The following SYT10 variants were observed in gnomAD, a reference collection of about 807,000 sequenced individuals.
SYT10 encodes the protein synaptotagmin-10.
SYT10 carries 31 observed loss-of-function variants against 51.1 expected under a neutral mutation model. That is an observed-to-expected ratio of 0.61 (90% CI 0.46 to 0.82). The LOEUF is 0.82. SYT10 is among the 40% of genes least tolerant of loss of function. The pLI is 0.00. For missense variants in SYT10, 603 were observed against 634.0 expected (o/e 0.95, Z 0.53); for synonymous variants, 233 against 225.9 (o/e 1.03, Z -0.28).
chr12:33,390,366 A>T (rs1263752656), intron 3 of SYT10, among the ~76,000 whole-genome samples: 2 of 152,188 alleles, frequency 1.3e-5, no homozygotes, highest in Admixed American at 1.3e-4. Context: ...TAAATGTGCA[A>T]TGTCATTTAT....
intron 3 of SYT10, among the ~76,000 whole-genome samples, chr12:33,388,970 T>C (rs1866180824): frequency 6.6e-6 from 1 of 152,188 alleles, no homozygotes; most frequent in Admixed American, 6.5e-5. Context: ...GAAGGCAGAT[T>C]AAAGCCTCCA....
At chr12:33,413,201 A>G (rs7961055) in intron 2 of SYT10, among the ~76,000 whole-genome samples, 152,263 of 152,298 alleles carry the variant, frequency 1, 76,115 homozygotes, top group Middle Eastern at 1. Flanking sequence ...CCAAATCTAC[A>G]TCTGATTGGT....
At chr12:33,431,618 GTTATC>G (rs1022536066) in intron 1 of SYT10, among the ~76,000 whole-genome samples, 46 of 152,090 alleles carry the variant, frequency 3.0e-4, no homozygotes, top group African/African-American at 1.1e-3. Context: ...AAATCAGAAT[GTTATC>G]TTAGTATTGA....
At chr12:33,423,321 T>C (rs549889676) in intron 2 of SYT10, among the ~76,000 whole-genome samples, 22 of 151,934 alleles carry the variant, frequency 1.4e-4, no homozygotes, top group African/African-American at 2.2e-4. Context: ...TGTGTGTGTG[T>C]GCATCTGTGT....
At chr12:33,427,220 A>T (rs61245628) in intron 1 of SYT10, among the ~76,000 whole-genome samples, 1 of 152,048 alleles carries the variant, frequency 6.6e-6, no homozygotes, top group South Asian at 2.1e-4. Flanking sequence ...AGTCTTCATG[A>T]GTAGGATTAG....
At chr12:33,380,608 G>T (rs562339195) in intron 5 of SYT10, among the ~76,000 whole-genome samples, 46 of 152,288 alleles carry the variant, frequency 3.0e-4, no homozygotes, top group African/African-American at 1.1e-3. Context: ...AGCTTATTAT[G>T]TGCCAGTGTT....
At chr12:33,409,268 G>A (rs1866385470) in intron 2 of SYT10, among the ~76,000 whole-genome samples, 1 of 152,034 alleles carries the variant, frequency 6.6e-6, no homozygotes, top group Non-Finnish European at 1.5e-5. Flanking sequence ...CCAGGCTGGA[G>A]TGCAGTGACA....
intron 2 of SYT10, among the ~76,000 whole-genome samples, chr12:33,420,448 A>C (rs1012627387): frequency 4.6e-5 from 7 of 151,936 alleles, no homozygotes; most frequent in African/African-American, 1.7e-4. Flanking sequence ...GGAATTCAAG[A>C]CCAGCTTAGG....
At chr12:33,422,021 T>A (rs1233592707) in intron 2 of SYT10, among the ~76,000 whole-genome samples, 3 of 152,024 alleles carry the variant, frequency 2.0e-5, no homozygotes, top group Non-Finnish European at 4.4e-5. Flanking sequence ...ATTTATTGAT[T>A]CTTTCAATTC....
chr12:33,406,767 T>G, intron 3 of SYT10, 22 bp downstream of exon 3: 1 of 1,556,414 alleles, frequency 6.4e-7, no homozygotes, highest in East Asian at 2.2e-5. Flanking sequence ...AAAAACAATA[T>G]ATTGGTGGAA....
chr12:33,425,033 T>C (rs764546231), intron 2 of SYT10, among the ~76,000 whole-genome samples: 2 of 152,116 alleles, frequency 1.3e-5, no homozygotes, highest in African/African-American at 4.8e-5. Flanking sequence ...AAGTAAGAAG[T>C]GGATTTATTT....
chr12:33,405,150 C>T (rs1866342067), intron 3 of SYT10: 3 of 152,024 alleles, frequency 2.0e-5, no homozygotes, highest in Non-Finnish European at 2.9e-5. Context: ...TTTGTTGCAA[C>T]CCTAGTACTT....
intron 3 of SYT10, among the ~76,000 whole-genome samples, chr12:33,401,263 G>GA (rs991148346): frequency 2.7e-4 from 41 of 152,054 alleles, no homozygotes; most frequent in Non-Finnish European, 2.8e-4. Flanking sequence ...AACTGAATAT[G>GA]AATATGTATT....
chr12:33,425,851 T>C (rs1049931640), intron 2 of SYT10, among the ~76,000 whole-genome samples: 5 of 152,104 alleles, frequency 3.3e-5, no homozygotes, highest in African/African-American at 1.2e-4. Flanking sequence ...TAATCTGTAG[T>C]TACACGATTT....
chr12:33,400,604 T>C (rs1318475048), intron 3 of SYT10, among the ~76,000 whole-genome samples: 1 of 151,834 alleles, frequency 6.6e-6, no homozygotes, highest in African/African-American at 2.4e-5. Context: ...ATTGAATAGG[T>C]AAGTAAATAA....
chr12:33,406,644 A>G (rs11052684), intron 3 of SYT10, 145 bp downstream of exon 3: 57,502 of 675,108 alleles, frequency 0.085, 2,795 homozygotes, highest in Admixed American at 0.17. Context: ...AATTATTATT[A>G]GTAGAAATGA....
chr12:33,377,113 A>C (rs1311978606), intron 6 of SYT10, among the ~76,000 whole-genome samples: 1 of 152,206 alleles, frequency 6.6e-6, no homozygotes, highest in Admixed American at 6.5e-5. Context: ...AGCATGGTAC[A>C]CAGATGTACA....
At chr12:33,421,844 T>G (rs1866507773) in intron 2 of SYT10, among the ~76,000 whole-genome samples, 1 of 152,108 alleles carries the variant, frequency 6.6e-6, no homozygotes, top group Non-Finnish European at 1.5e-5. Context: ...AAAGATCTTG[T>G]AGTACATAAA....
chr12:33,430,971 C>G (rs1866592095), intron 1 of SYT10, among the ~76,000 whole-genome samples: 1 of 152,146 alleles, frequency 6.6e-6, no homozygotes, highest in African/African-American at 2.4e-5. Context: ...TAGTTTATTT[C>G]TCTCTCATGT....
Sources: gnomAD v4.1 joint callset for allele counts (sites outside exome capture counted in the v4.1 genomes callset) on GRCh38, gnomAD v4.1.1 for gene constraint, MANE v1.5 for transcripts, NCBI Gene and HGNC (gene_info 2026-07-23, HGNC 2026-07-21) for gene names.